CD82: variants seen among roughly 807,000 people sequenced by gnomAD.
CD82 encodes CD82 antigen.
CD82 carries 36 observed loss-of-function variants against 37.4 expected under a neutral mutation model. The ratio of observed to expected loss-of-function variants is 0.96; its 90% confidence interval spans 0.74 to 1.27. The LOEUF is 1.27. CD82 is among the 50% of genes most tolerant of loss of function. CD82 has a pLI of 0.00. For synonymous variants in CD82, 158 were observed against 137.4 expected, an observed-to-expected ratio of 1.15 and a Z score of -1.05; for missense variants, 340 against 347.0, an observed-to-expected ratio of 0.98 and a Z score of 0.16.
At chr11:44,570,802 T>C (rs1401383428) in intron 1 of CD82, among the ~76,000 whole-genome samples, 1 of 152,246 alleles carries the variant, frequency 6.6e-6, no homozygotes, top group Non-Finnish European at 1.5e-5. Context: ...TAGTGAACTC[T>C]GACTCAGCCA....
At chr11:44,594,816 CG>C in intron 3 of CD82, 91 bp downstream of exon 3, 2 of 1,093,376 alleles carry the variant, frequency 1.8e-6, no homozygotes, top group Non-Finnish European at 1.4e-6. Context: ...CCGACCGGGC[CG>C]GGGATTGGGG....
chr11:44,596,974 G>C (rs1853236937), intron 3 of CD82: 1 of 456,160 alleles, frequency 2.2e-6, no homozygotes, highest in Admixed American at 2.3e-5. Flanking sequence ...ATGGAGGTCA[G>C]CAAAGGCTTC....
intron 6 of CD82, among the ~76,000 whole-genome samples, chr11:44,612,535 CTTT>C (rs200389044): frequency 6.6e-5 from 8 of 120,718 alleles, no homozygotes; most frequent in African/African-American, 1.2e-4. Flanking sequence ...TGTATAAGGG[CTTT>C]TTTTTTTTTT....
rs149293292 is a variant in CD82 at position 44,600,434 on chromosome 11, C to G, written c.136+204C>G. Among the ~76,000 whole-genome samples, 1,325 of 152,324 alleles carry G rather than the reference C, an allele frequency of 8.7e-3. 8 individuals are homozygous for G. The highest frequency in any genetic ancestry group is 0.02 in the Middle Eastern group (6 of 294). On this transcript the variant is annotated intron_variant, in intron 4 of 9. Transcript: ENST00000227155. ...CCAAAAGGAATTTTCTCTTCTTCCC[C>G]GAACAAAGCTGCTGTTGTCTGGGGG...
At chr11:44,601,335 G>A (rs1853305867) in intron 4 of CD82, among the ~76,000 whole-genome samples, 1 of 142,518 alleles carries the variant, frequency 7.0e-6, no homozygotes, top group African/African-American at 2.6e-5. Context: ...TGGAAAGCAA[G>A]GATGATCTAC....
At chr11:44,614,052 G>A (rs373336929) in intron 6 of CD82, among the ~76,000 whole-genome samples, 7 of 152,090 alleles carry the variant, frequency 4.6e-5, no homozygotes, top group East Asian at 3.9e-4. Context: ...TTACTCTGTC[G>A]CCCAGGCTGG....
intron 6 of CD82, among the ~76,000 whole-genome samples, chr11:44,614,925 G>GC (rs1565095498): frequency 1.3e-5 from 2 of 152,214 alleles, no homozygotes; most frequent in Non-Finnish European, 2.9e-5. Flanking sequence ...AGGACAGAAG[G>GC]CCTGGGGAGG....
At chr11:44,617,515 C>T (rs941886432) in intron 7 of CD82, among the ~76,000 whole-genome samples, 3 of 143,218 alleles carry the variant, frequency 2.1e-5, no homozygotes, top group Admixed American at 7.2e-5. Flanking sequence ...GCCAAGATCA[C>T]GCTGCTGCAC....
chr11:44,584,565 G>A (rs542678893), intron 1 of CD82, among the ~76,000 whole-genome samples: 3 of 152,300 alleles, frequency 2.0e-5, no homozygotes, highest in Non-Finnish European at 4.4e-5. Context: ...TGGGATTACA[G>A]GTGTGAGCCA....
intron 1 of CD82, among the ~76,000 whole-genome samples, chr11:44,578,234 A>G (rs1483275234): frequency 6.6e-6 from 1 of 152,036 alleles, no homozygotes; most frequent in East Asian, 1.9e-4. Flanking sequence ...CTCCAGGCCC[A>G]TATCTCTTAG....
At chr11:44,593,669 CTT>C (rs1178483108) in intron 2 of CD82, among the ~76,000 whole-genome samples, 2 of 152,190 alleles carry the variant, frequency 1.3e-5, no homozygotes, top group Non-Finnish European at 2.9e-5. Flanking sequence ...TGTGTCCAAT[CTT>C]AGAGTATCAG....
At chr11:44,575,607 C>T (rs1032406687) in intron 1 of CD82, among the ~76,000 whole-genome samples, 1 of 152,180 alleles carries the variant, frequency 6.6e-6, no homozygotes, top group Non-Finnish European at 1.5e-5. Context: ...CCCTGGACCA[C>T]ACTTTGGGTA....
At chr11:44,582,610 T>G (rs989428322) in intron 1 of CD82, among the ~76,000 whole-genome samples, 2 of 152,214 alleles carry the variant, frequency 1.3e-5, no homozygotes, top group Non-Finnish European at 2.9e-5. Flanking sequence ...GGGCCCGTAC[T>G]ATCATCTGCT....
At chr11:44,594,953 C>G (rs1271565827) in intron 3 of CD82, 1 of 558,462 alleles carries the variant, frequency 1.8e-6, no homozygotes, top group Non-Finnish European at 3.2e-6. Flanking sequence ...CCGGCCTTCC[C>G]CTCTCCTAGA....
intron 2 of CD82, among the ~76,000 whole-genome samples, 185 bp from the exon 3 acceptor site, chr11:44,594,458 C>G (rs1417270235): frequency 6.6e-6 from 1 of 152,180 alleles, no homozygotes; most frequent in African/African-American, 2.4e-5. Context: ...GCATCAAGTG[C>G]CTGGCACACA....
At chr11:44,594,774 C>G in intron 3 of CD82, 49 bp downstream of exon 3, 1 of 1,475,988 alleles carries the variant, frequency 6.8e-7, no homozygotes, top group Non-Finnish European at 9.5e-7. Context: ...GATTCTCCTT[C>G]CAGGGGCATC....
intron 6 of CD82, among the ~76,000 whole-genome samples, chr11:44,611,941 A>G (rs897581543): frequency 1.3e-5 from 2 of 152,180 alleles, no homozygotes; most frequent in Admixed American, 6.5e-5. Flanking sequence ...TGCTGTGACA[A>G]CCACGCTGGG....
chr11:44,583,324 C>G (rs1375633267), intron 1 of CD82, among the ~76,000 whole-genome samples: 1 of 152,248 alleles, frequency 6.6e-6, no homozygotes, highest in African/African-American at 2.4e-5. Context: ...ACTCTGCACC[C>G]TCCTGTCAGA....
rs75358047 is a variant in CD82 at position 44,597,148 on chromosome 11, G to C, written c.63+2423G>C. 8.5e-5 allele frequency among the ~76,000 whole-genome samples: 13 copies of C among 152,330 alleles called. No homozygotes were observed. Among genetic ancestry groups the C allele is most frequent in the African/African-American group, 2.6e-4 (11 of 41,558 alleles). The stretch of plus-strand genomic sequence containing the variant: ...GGATTTGTGGTTTGGAAAAATCCCC[G>C]TGGCTGCTATGTGTGCTCGCGCCTG... On this transcript the variant is annotated intron_variant, in intron 3 of 9. Transcript: ENST00000227155. The surrounding 1 kb of genome is among the most constrained non-coding windows in gnomAD (Gnocchi z 4.1).
Sources: allele counts gnomAD v4.1 joint callset (sites outside exome capture counted in the v4.1 genomes callset), GRCh38; gene constraint gnomAD v4.1.1; non-coding constraint Gnocchi (gnomAD v3.1); transcripts MANE v1.5; gene names NCBI Gene and HGNC (gene_info 2026-07-23, HGNC 2026-07-21).